Variants in DTNA observed in about 807,000 individuals in gnomAD.
DTNA encodes the protein dystrophin-related protein 3.
Under a neutral mutation model 100.7 loss-of-function variants are expected in DTNA, and 43 were observed. That is an observed-to-expected ratio of 0.43 (90% CI 0.33 to 0.55). DTNA has a LOEUF of 0.55. Among genes scored for constraint, DTNA ranks in the 20% least tolerant of loss-of-function variants. The pLI, the probability that DTNA is intolerant of heterozygous loss-of-function variation, is 0.04. For synonymous variants in DTNA, 349 were observed against 347.9 expected, an observed-to-expected ratio of 1.00 and a Z score of -0.04; for missense variants, 798 against 953.9, an observed-to-expected ratio of 0.84 and a Z score of 2.15.
At chr18:34,801,514 T>C (rs1375673733) in intron 4 of DTNA, among the ~76,000 whole-genome samples, 1 of 100,856 alleles carries the variant, frequency 9.9e-6, no homozygotes, top group African/African-American at 4.7e-5. Context: ...ATAAAATAAC[T>C]TTTTTTTTTT....
chr18:34,612,681 C>T (rs2054468432), intron 1 of DTNA, among the ~76,000 whole-genome samples: 2 of 152,166 alleles, frequency 1.3e-5, no homozygotes, highest in South Asian at 2.1e-4. Context: ...ATTGATTTTG[C>T]AGCACTTGCA....
At chr18:34,520,576 C>T (rs897326935) in intron 1 of DTNA, among the ~76,000 whole-genome samples, 35 of 152,150 alleles carry the variant, frequency 2.3e-4, no homozygotes, top group African/African-American at 7.7e-4. Context: ...GTTGCTTGAA[C>T]GCTGGAGGCA....
At chr18:34,679,269 C>T (rs555719413) in intron 1 of DTNA, among the ~76,000 whole-genome samples, 65 of 152,060 alleles carry the variant, frequency 4.3e-4, no homozygotes, top group Non-Finnish European at 8.1e-4. Flanking sequence ...ATGACTTCTA[C>T]CATAAATGTC....
intron 1 of DTNA, among the ~76,000 whole-genome samples, chr18:34,604,501 C>G (rs1212196512): frequency 1.3e-5 from 2 of 152,146 alleles, no homozygotes; most frequent in Non-Finnish European, 2.9e-5. Context: ...CTGAAGATCT[C>G]TGTTCAGCAT....
intron 19 of DTNA, among the ~76,000 whole-genome samples, chr18:34,878,903 T>TA (rs1342083270): frequency 1.3e-5 from 2 of 152,150 alleles, no homozygotes; most frequent in East Asian, 1.9e-4. Flanking sequence ...ACTTCAGTTT[T>TA]AAAAAAATCC....
chr18:34,746,424 C>G (rs1485400798), intron 1 of DTNA, among the ~76,000 whole-genome samples: 3 of 152,100 alleles, frequency 2.0e-5, no homozygotes, highest in Non-Finnish European at 4.4e-5. Context: ...GCCTCTCTCT[C>G]CAATGTGAGG....
chr18:34,871,919 T>A (rs1324749624), intron 17 of DTNA, among the ~76,000 whole-genome samples: 1 of 152,222 alleles, frequency 6.6e-6, no homozygotes, highest in Non-Finnish European at 1.5e-5. Flanking sequence ...ATGCAACTGA[T>A]TATTCTCTTC....
At chr18:34,808,775 C>G (rs1310704552) in intron 5 of DTNA, among the ~76,000 whole-genome samples, 1 of 152,208 alleles carries the variant, frequency 6.6e-6, no homozygotes, top group Non-Finnish European at 1.5e-5. Context: ...TGGCCAAAGT[C>G]TATCCTCTTT....
At chr18:34,503,531 A>G (rs1174073515) in intron 1 of DTNA, among the ~76,000 whole-genome samples, 3 of 151,746 alleles carry the variant, frequency 2.0e-5, no homozygotes, top group African/African-American at 7.3e-5. Context: ...TGATCTGCCC[A>G]CCTCAGCCTC....
rs1213861170 is a variant in DTNA at position 34,714,951 on chromosome 18, G to A, written c.-2+4506G>A. 1.3e-4 allele frequency among the ~76,000 whole-genome samples: 20 copies of A among 150,986 alleles called. No individual in the cohort carries two copies. In the East Asian group the frequency reaches 2.0e-3, roughly 15 times the overall value. On this transcript the variant is annotated intron_variant, in intron 1 of 22. Coordinates refer to ENST00000444659, the MANE Select transcript of DTNA (RefSeq NM_001386795.1). ...AAATCATCACTCTCAGTAAACTATCGCAAGAACAAAAAACCAAACACCGCA... is the reference window on the plus strand; with the variant it reads ...AAATCATCACTCTCAGTAAACTATCACAAGAACAAAAAACCAAACACCGCA...
At chr18:34,724,612 C>T (rs1283575320) in intron 1 of DTNA, among the ~76,000 whole-genome samples, 1 of 152,108 alleles carries the variant, frequency 6.6e-6, no homozygotes, top group Non-Finnish European at 1.5e-5. Flanking sequence ...GGAGAGGTGC[C>T]AGGCTCTTTT....
upstream of DTNA, among the ~76,000 whole-genome samples, chr18:34,709,840 C>T (rs768484354): frequency 5.3e-5 from 8 of 152,202 alleles, no homozygotes; most frequent in Non-Finnish European, 8.8e-5. Flanking sequence ...GCCCTTCATA[C>T]ACTGATGTAG....
Position 34,890,167 on chromosome 18 carries a change from T to A in DTNA, c.*2433T>A. On this transcript the variant is annotated 3_prime_UTR_variant, in exon 23 of 23. Transcript: ENST00000444659. ...GTTCTGCTGATAACCTTCCCCGTTGTCATAGCTATTTCATTGCCAACCAAC... is the reference window on the plus strand; with the variant it reads ...GTTCTGCTGATAACCTTCCCCGTTGACATAGCTATTTCATTGCCAACCAAC... The A allele has an allele frequency of 6.9e-7, 1 of 1,440,230 alleles. No homozygotes were observed. Among genetic ancestry groups the A allele is most frequent in the South Asian group, 1.5e-5 (1 of 66,482 alleles). The allele number at this position is 1,440,230 out of a possible 1,614,324, so 89.2% of individuals were successfully genotyped here. A position where few individuals can be genotyped will look rare whatever the true frequency, so the allele number is the denominator to read the frequency against.
At chr18:34,763,841 C>CG (rs2093328544) in intron 2 of DTNA, among the ~76,000 whole-genome samples, 2 of 152,100 alleles carry the variant, frequency 1.3e-5, no homozygotes, top group Admixed American at 1.3e-4. Flanking sequence ...GACAGATAAA[C>CG]AGTATACCTG....
intron 1 of DTNA, chr18:34,557,952 G>C (rs1277982388): frequency 4.6e-5 from 7 of 153,204 alleles, no homozygotes; most frequent in Admixed American, 3.9e-4. Context: ...GCAATGGCGG[G>C]CGCCCCTCCC....
At chr18:34,561,908 G>A (rs367619273) in intron 1 of DTNA, among the ~76,000 whole-genome samples, 36 of 151,988 alleles carry the variant, frequency 2.4e-4, no homozygotes, top group African/African-American at 8.5e-4. Flanking sequence ...TTGTGCCGAC[G>A]GAAAGTGAGA....
At chr18:34,712,808 T>A (rs1244116633) in intron 1 of DTNA, among the ~76,000 whole-genome samples, 1 of 152,256 alleles carries the variant, frequency 6.6e-6, no homozygotes, top group East Asian at 1.9e-4. Flanking sequence ...GACCAATAGA[T>A]AATTATCTGC....
At chr18:34,710,102 G>A (rs990727599), upstream of DTNA, among the ~76,000 whole-genome samples, 1 of 152,116 alleles carries the variant, frequency 6.6e-6, no homozygotes, top group African/African-American at 2.4e-5. Flanking sequence ...TGTTCATGAA[G>A]TTGAGTCAGC....
intron 1 of DTNA, among the ~76,000 whole-genome samples, chr18:34,592,499 C>CACACACACACAG (rs1169082177): frequency 6.6e-6 from 1 of 151,208 alleles, no homozygotes; most frequent in African/African-American, 2.4e-5. Context: ...CACACACACA[C>CACACACACACAG]ACACACATTT....
Sources: gnomAD v4.1 joint callset for allele counts (sites outside exome capture counted in the v4.1 genomes callset) on GRCh38, gnomAD v4.1.1 for gene constraint, MANE v1.5 for transcripts, NCBI Gene and HGNC (gene_info 2026-07-23, HGNC 2026-07-21) for gene names.